CNTNAP2: variants seen among roughly 807,000 people sequenced by gnomAD.
CNTNAP2 encodes contactin-associated protein-like 2.
Under a neutral mutation model 155.2 loss-of-function variants are expected in CNTNAP2, and 98 were observed. The observed-to-expected ratio is 0.63, with a 90% confidence interval of 0.54 to 0.75. The LOEUF (loss-of-function observed/expected upper bound fraction) is 0.75, where lower values mean the gene tolerates loss of function less well. CNTNAP2 is among the 30% of genes least tolerant of loss of function. CNTNAP2 has a pLI of 0.00. For synonymous variants in CNTNAP2, 651 were observed against 631.2 expected (o/e 1.03, Z -0.47); for missense variants, 1,727 against 1,688.1 (o/e 1.02, Z -0.40).
At chr7:147,696,271 A>G (rs1796159805) in intron 13 of CNTNAP2, among the ~76,000 whole-genome samples, 1 of 152,048 alleles carries the variant, frequency 6.6e-6, no homozygotes, top group Non-Finnish European at 1.5e-5. Flanking sequence ...CATCTTTCAC[A>G]CATTTGCTGC....
In CNTNAP2 at chr7:146,367,175, C is replaced by T. The variant is rs532076760; in HGVS notation, c.97+250202C>T. 5.9e-5 allele frequency among the ~76,000 whole-genome samples: 9 copies of T among 152,232 alleles called. No individual in the cohort carries two copies. The South Asian group carries it at 1.9e-3, about 32-fold the overall frequency. ...TGATGACTAATATCATGGATGCTCA[C>T]ATTTATGGAAAGTACTGTATTGACA... On this transcript the variant is annotated intron_variant, in intron 1 of 23. Coordinates refer to ENST00000361727, the MANE Select transcript of CNTNAP2 (RefSeq NM_014141.6).
intron 2 of CNTNAP2, among the ~76,000 whole-genome samples, chr7:146,810,130 T>C (rs1347390541): frequency 6.6e-6 from 1 of 152,178 alleles, no homozygotes; most frequent in Non-Finnish European, 1.5e-5. Context: ...GTATTATTAA[T>C]GGCATTATCA....
intron 8 of CNTNAP2, among the ~76,000 whole-genome samples, chr7:147,258,756 C>A (rs2116679146): frequency 6.6e-6 from 1 of 152,268 alleles, no homozygotes; most frequent in Middle Eastern, 3.4e-3. Flanking sequence ...ACTTGCAGTT[C>A]TTGGTAACAG....
Position 148,377,920 on chromosome 7 carries a change from A to T in CNTNAP2, c.3476-5729A>T, listed in dbSNP as rs189097957. On this transcript the variant is annotated intron_variant, in intron 21 of 23. Transcript: ENST00000361727. ...TATTATAAAATAGGTGTGTTAGATG[A>T]CTTTACTGAACTGTAGACTAATGTA... is the stretch of plus-strand genomic sequence containing the variant. 1.6e-3 allele frequency among the ~76,000 whole-genome samples: 110 copies of T among 68,352 alleles called. 35 individuals are homozygous for T. The highest frequency in any genetic ancestry group is 3.6e-3 in the African/African-American group (102 of 27,948). 44.8% of individuals were successfully genotyped at this position (68,352 alleles called of 152,430 possible). A position where few individuals can be genotyped will look rare whatever the true frequency, so the allele number is the denominator to read the frequency against.
intron 1 of CNTNAP2, among the ~76,000 whole-genome samples, chr7:146,273,086 A>AAGAGAGAGAGAGAG (rs58582637): frequency 7.8e-4 from 108 of 138,066 alleles, no homozygotes; most frequent in African/African-American, 3.1e-3. Flanking sequence ...GAGAAAGAGA[A>AAGAGAGAGAGAGAG]AGAGAGAGAG....
At chr7:147,058,351 C>G (rs1367276789) in intron 4 of CNTNAP2, among the ~76,000 whole-genome samples, 1 of 152,062 alleles carries the variant, frequency 6.6e-6, no homozygotes, top group African/African-American at 2.4e-5. Flanking sequence ...AGTGTATTCT[C>G]TAATATTCTA....
At chr7:146,914,292 T>C (rs1443233746) in intron 3 of CNTNAP2, among the ~76,000 whole-genome samples, 1 of 151,954 alleles carries the variant, frequency 6.6e-6, no homozygotes, top group African/African-American at 2.4e-5. Context: ...GTGATTTTTT[T>C]TCCCTCTGGG....
At chr7:146,759,939 C>A (rs942688413) in intron 1 of CNTNAP2, among the ~76,000 whole-genome samples, 1 of 152,072 alleles carries the variant, frequency 6.6e-6, no homozygotes, top group Non-Finnish European at 1.5e-5. Context: ...TAAAAATAAA[C>A]CTTCGGTAGT....
intron 10 of CNTNAP2, among the ~76,000 whole-genome samples, chr7:147,424,044 C>T (rs954155515): frequency 1.3e-5 from 2 of 152,164 alleles, no homozygotes; most frequent in African/African-American, 4.8e-5. Context: ...GAAAACCACA[C>T]ACCTATGCTG....
chr7:148,184,527 G>A (rs187763179), intron 18 of CNTNAP2, among the ~76,000 whole-genome samples: 1 of 152,298 alleles, frequency 6.6e-6, no homozygotes, highest in East Asian at 1.9e-4. Context: ...ATAGCTTACA[G>A]AGAAATACCA....
rs141940359 is a variant in CNTNAP2 at position 146,374,222 on chromosome 7, G to A, written c.97+257249G>A. Reference sequence around the variant, plus strand: ...TGGCTTTAAATGTTCTAATTCAAAAGTAAGTTAATTAAAAATATCTAAAAT... The same window carrying A: ...TGGCTTTAAATGTTCTAATTCAAAAATAAGTTAATTAAAAATATCTAAAAT... On this transcript the variant is annotated intron_variant, in intron 1 of 23. Coordinates refer to ENST00000361727, the MANE Select transcript of CNTNAP2 (RefSeq NM_014141.6). Among the ~76,000 whole-genome samples the A allele has an allele frequency of 9.6e-3, 1,468 of 152,168 alleles. 24 individuals are homozygous for A. The highest frequency in any genetic ancestry group is 0.033 in the African/African-American group (1,352 of 41,522).
intron 16 of CNTNAP2, among the ~76,000 whole-genome samples, chr7:148,124,593 C>G (rs1003129194): frequency 6.6e-6 from 1 of 152,138 alleles, no homozygotes; most frequent in Non-Finnish European, 1.5e-5. Flanking sequence ...GTGAAGGAGA[C>G]AAACACATTA....
chr7:148,174,420 G>T lies in CNTNAP2; in HGVS notation c.3010+1942G>T, dbSNP rs1024527. On this transcript the variant is annotated intron_variant, in intron 18 of 23. Transcript: ENST00000361727. ...TGCCTGCACAGCAGTTCCTGTGACC[G>T]CCCCCCACCTCAGGCTGGTGCTTCA... 8.8e-3 allele frequency among the ~76,000 whole-genome samples: 1,324 copies of T among 151,126 alleles called. 16 individuals are homozygous for T. Among genetic ancestry groups the T allele is most frequent in the African/African-American group, 0.031 (1,241 of 40,588 alleles).
chr7:148,386,711 CT>C (rs762702353), intron 22 of CNTNAP2, among the ~76,000 whole-genome samples: 1 of 152,136 alleles, frequency 6.6e-6, no homozygotes, highest in African/African-American at 2.4e-5. Flanking sequence ...GGAGGAAAAA[CT>C]TTTCCTCTGT....
intron 3 of CNTNAP2, among the ~76,000 whole-genome samples, chr7:146,937,764 G>A (rs1173240895): frequency 1.3e-5 from 2 of 152,148 alleles, no homozygotes; most frequent in Non-Finnish European, 2.9e-5. Flanking sequence ...TAATTAAAAA[G>A]GGTTAGAATC....
intron 9 of CNTNAP2, among the ~76,000 whole-genome samples, chr7:147,335,465 T>G (rs1390820800): frequency 6.6e-6 from 1 of 152,140 alleles, no homozygotes; most frequent in Non-Finnish European, 1.5e-5. Flanking sequence ...TGCAAAGGTT[T>G]AATTTTCTGG....
intron 10 of CNTNAP2, among the ~76,000 whole-genome samples, chr7:147,407,057 A>G (rs1314605723): frequency 6.6e-6 from 1 of 152,190 alleles, no homozygotes; most frequent in African/African-American, 2.4e-5. Flanking sequence ...ACTTCAGTGA[A>G]GACCCCCCCC....
intron 1 of CNTNAP2, among the ~76,000 whole-genome samples, chr7:146,713,079 T>A (rs898180580): frequency 4.6e-5 from 7 of 152,018 alleles, no homozygotes; most frequent in African/African-American, 1.7e-4. Flanking sequence ...CTAAAACTTA[T>A]AAGAAATCTC....
chr7:146,792,053 C>T (rs192440901), intron 2 of CNTNAP2, among the ~76,000 whole-genome samples: 24 of 152,184 alleles, frequency 1.6e-4, no homozygotes, highest in Admixed American at 7.9e-4. Context: ...AGGCAGAAAT[C>T]GGGAAATAAA....
Sources: gnomAD v4.1 joint callset for allele counts (sites outside exome capture counted in the v4.1 genomes callset) on GRCh38, gnomAD v4.1.1 for gene constraint, MANE v1.5 for transcripts, NCBI Gene and HGNC (gene_info 2026-07-23, HGNC 2026-07-21) for gene names.